Variants in DIS3L2 observed in about 807,000 individuals in gnomAD.
DIS3L2 encodes the protein DIS3 like 3'-5' exoribonuclease 2.
DIS3L2 carries 34 observed loss-of-function variants against 97.5 expected under a neutral mutation model. The observed-to-expected ratio is 0.35, with a 90% CI of 0.27 to 0.46. The LOEUF (loss-of-function observed/expected upper bound fraction) is 0.46, where lower values mean the gene tolerates loss of function less well. Among genes scored for constraint, DIS3L2 ranks in the 20% least tolerant of loss-of-function variants. The pLI is 1.00. For missense variants in DIS3L2, 1,038 were observed against 1,146.0 expected (o/e 0.91, Z 1.36); for synonymous variants, 435 against 445.2 (o/e 0.98, Z 0.29).
chr2:232,135,030 TG>T lies in DIS3L2; in HGVS notation c.703-1441del, dbSNP rs1247943061. On this transcript the variant is annotated intron_variant, in intron 7 of 20. Coordinates refer to ENST00000325385, the MANE Select transcript of DIS3L2 (RefSeq NM_152383.5). Reference sequence around the variant, plus strand: ...GTGCAGCACTGGAGAACAAGCGAGCTGTGTGGTGGATTCATCGGAGAGGAGG... The same window carrying T: ...GTGCAGCACTGGAGAACAAGCGAGCTTGTGGTGGATTCATCGGAGAGGAGG... Among the ~76,000 whole-genome samples the T allele has an allele frequency of 2.0e-5, 3 of 152,136 alleles. No individual in the cohort carries two copies. The East Asian group carries it at 5.8e-4, about 29-fold the overall frequency.
At chr2:232,315,693 C>T (rs1695252582) in intron 14 of DIS3L2, among the ~76,000 whole-genome samples, 1 of 152,190 alleles carries the variant, frequency 6.6e-6, no homozygotes, top group African/African-American at 2.4e-5. Flanking sequence ...AACATGTTTG[C>T]TGTCTGTTCT....
chr2:232,200,130 G>GAAA (rs34043267), intron 9 of DIS3L2, among the ~76,000 whole-genome samples: 4 of 152,132 alleles, frequency 2.6e-5, no homozygotes, highest in African/African-American at 7.2e-5. Context: ...TTGGGAACTG[G>GAAA]AAAAAGAAAG....
At chr2:232,015,833 T>G (rs1279132602) in intron 3 of DIS3L2, 162 bp downstream of exon 3, 2 of 685,636 alleles carry the variant, frequency 2.9e-6, no homozygotes, top group African/African-American at 3.6e-5. Flanking sequence ...TAACAGATTC[T>G]TCTTAGAACT....
In DIS3L2 at chr2:232,199,067, A is replaced by G. The variant is rs370454013; in HGVS notation, c.1125-11259A>G. On this transcript the variant is annotated intron_variant, in intron 9 of 20. Transcript: ENST00000325385. ...ATGTGTCCCAAACCCCGAAAGCAGT[A>G]GATAGCCACTAAATATTTGTTGGGT... 3.0e-4 allele frequency among the ~76,000 whole-genome samples: 45 copies of G among 152,338 alleles called. No individual in the cohort carries two copies. The South Asian group carries it at 8.9e-3, about 30-fold the overall frequency.
chr2:232,048,597 C>T (rs905071906), intron 5 of DIS3L2, among the ~76,000 whole-genome samples: 11 of 151,898 alleles, frequency 7.2e-5, no homozygotes, highest in Middle Eastern at 6.8e-3. Context: ...CCAGGTGTGG[C>T]GGGGTGCGCC....
At chr2:232,143,129 A>G (rs780928691) in intron 8 of DIS3L2, among the ~76,000 whole-genome samples, 15 of 152,158 alleles carry the variant, frequency 9.9e-5, no homozygotes, top group Admixed American at 7.9e-4. Flanking sequence ...TGTTTTCTTT[A>G]AGGCAAAGAG....
chr2:231,978,728 G>A (rs1574781259), intron 1 of DIS3L2: 1 of 152,360 alleles, frequency 6.6e-6, no homozygotes, highest in East Asian at 1.9e-4. Flanking sequence ...GCCTTGGGCA[G>A]GCTGAGACAC....
rs371430235 is a variant in DIS3L2 at position 232,336,506 on chromosome 2, A to G, written c.2534A>G (p.Gln845Arg). The G allele has an allele frequency of 3.1e-6, 5 of 1,611,464 alleles. No homozygotes were observed. The highest frequency in any genetic ancestry group is 2.7e-5 in the African/African-American group (2 of 75,036). The change falls in exon 21 of 21, where the codon CAG becomes CGG. Residue 845 changes from glutamine to arginine, a missense_variant. Around this residue, in one of 3 missense-constraint regions of DIS3L2, gnomAD observed 221 missense variants for 246.9 expected, o/e 0.90. Coordinates refer to ENST00000325385, the MANE Select transcript of DIS3L2 (RefSeq NM_152383.5). The part of the protein sequence containing the change: ...TIFSLVEVVL[Q>R]AESTALKYSA... The stretch of plus-strand genomic sequence containing the variant: ...TTCAGCCTGGTGGAGGTGGTCCTGC[A>G]GGCAGAGTCCACAGCCCTCAAGTAC...
At chr2:232,145,011 A>G (rs1432393437) in intron 8 of DIS3L2, among the ~76,000 whole-genome samples, 2 of 152,170 alleles carry the variant, frequency 1.3e-5, no homozygotes, top group African/African-American at 4.8e-5. Flanking sequence ...ATGATTCCTA[A>G]CTTACTACTT....
intron 1 of DIS3L2, among the ~76,000 whole-genome samples, chr2:231,981,948 C>T (rs986269421): frequency 8.6e-5 from 13 of 151,044 alleles, no homozygotes; most frequent in Non-Finnish European, 1.6e-4. Context: ...GCATGAGAAT[C>T]GCTTGAACCT....
At chr2:232,322,116 A>G (rs1027310438) in intron 14 of DIS3L2, among the ~76,000 whole-genome samples, 3 of 152,198 alleles carry the variant, frequency 2.0e-5, no homozygotes, top group Admixed American at 2.0e-4. Context: ...CTGGGCAGCA[A>G]TGTGCTCTCA....
chr2:232,204,858 G>A (rs1430646656), intron 9 of DIS3L2, among the ~76,000 whole-genome samples: 1 of 152,164 alleles, frequency 6.6e-6, no homozygotes, highest in Non-Finnish European at 1.5e-5. Flanking sequence ...AGCAGAAGGA[G>A]CCCTCATGCA....
chr2:232,202,405 A>G (rs1231744498), intron 9 of DIS3L2, among the ~76,000 whole-genome samples: 2 of 152,202 alleles, frequency 1.3e-5, no homozygotes, highest in Admixed American at 6.5e-5. Context: ...TCAAAAACAA[A>G]CAAACAGAAA....
At chr2:232,196,292 A>G (rs1016758737) in intron 9 of DIS3L2, among the ~76,000 whole-genome samples, 6 of 152,082 alleles carry the variant, frequency 3.9e-5, no homozygotes, top group South Asian at 2.1e-4. Flanking sequence ...TATTCATGTT[A>G]TTATTCTTTA....
chr2:232,287,434 C>G (rs1694476553), intron 13 of DIS3L2, among the ~76,000 whole-genome samples: 1 of 125,522 alleles, frequency 8.0e-6, no homozygotes, highest in Non-Finnish European at 1.6e-5. Context: ...GGGCCTCACT[C>G]TGTTGCCAGG....
intron 5 of DIS3L2, among the ~76,000 whole-genome samples, chr2:232,041,373 G>T (rs1265360833): frequency 6.6e-6 from 1 of 152,136 alleles, no homozygotes; most frequent in Non-Finnish European, 1.5e-5. Flanking sequence ...TAGGAGGAAG[G>T]GGGTCCTACT....
chr2:232,024,644 G>GT (rs915229959), intron 4 of DIS3L2, among the ~76,000 whole-genome samples: 1 of 152,090 alleles, frequency 6.6e-6, no homozygotes, highest in African/African-American at 2.4e-5. Context: ...AGGATTTATG[G>GT]TTTTTTCCAC....
chr2:232,309,999 C>A (rs1404877300), intron 14 of DIS3L2, among the ~76,000 whole-genome samples: 1 of 152,228 alleles, frequency 6.6e-6, no homozygotes, highest in Non-Finnish European at 1.5e-5. Context: ...TATTTCCCAG[C>A]AGCTCTGACA....
chr2:232,039,296 A>G (rs534343015), intron 5 of DIS3L2, among the ~76,000 whole-genome samples: 2 of 152,352 alleles, frequency 1.3e-5, no homozygotes, highest in East Asian at 3.9e-4. Context: ...TCTAGAATAT[A>G]AACATCTCCA....
Sources: allele counts gnomAD v4.1 joint callset (sites outside exome capture counted in the v4.1 genomes callset), GRCh38; gene constraint gnomAD v4.1.1; regional missense constraint gnomAD v4.1.1; transcripts MANE v1.5; gene names NCBI Gene and HGNC (gene_info 2026-07-23, HGNC 2026-07-21).